ACOXL: variants seen among roughly 807,000 people sequenced by gnomAD.
ACOXL encodes the protein acyl-coenzyme A oxidase-like protein.
ACOXL carries 70 observed loss-of-function variants against 71.9 expected under a neutral mutation model. The observed-to-expected ratio is 0.97, with a 90% confidence interval of 0.80 to 1.19. The LOEUF (loss-of-function observed/expected upper bound fraction) is 1.19, where lower values mean the gene tolerates loss of function less well. Ranked by LOEUF, ACOXL falls within the 50% of genes most tolerant of loss-of-function variation. The probability of loss-of-function intolerance (pLI) is 0.00; values close to 1 mark genes in which losing one functional copy is unlikely to be tolerated. For missense variants in ACOXL, 703 were observed against 736.3 expected (o/e 0.95, Z 0.52); for synonymous variants, 253 against 281.6 (o/e 0.90, Z 1.02).
At chr2:110,826,394 C>T (rs1442362341) in intron 9 of ACOXL, among the ~76,000 whole-genome samples, 1 of 152,166 alleles carries the variant, frequency 6.6e-6, no homozygotes, top group African/African-American at 2.4e-5. Flanking sequence ...GTTCTCTGAA[C>T]CTTTGTCACT....
At chr2:110,947,890 C>T (rs2061167081) in intron 12 of ACOXL, among the ~76,000 whole-genome samples, 1 of 152,254 alleles carries the variant, frequency 6.6e-6, no homozygotes, top group African/African-American at 2.4e-5. Context: ...CTTGTGTTAC[C>T]TGAGCCCGGA....
At chr2:110,969,853 AT>A (rs2062104691) in intron 12 of ACOXL, among the ~76,000 whole-genome samples, 2 of 152,076 alleles carry the variant, frequency 1.3e-5, no homozygotes, top group Admixed American at 1.3e-4. Context: ...ATAGCTTTAC[AT>A]TGATAAATTT....
chr2:111,075,845 A>G (rs1415159708), intron 16 of ACOXL, among the ~76,000 whole-genome samples: 3 of 152,136 alleles, frequency 2.0e-5, no homozygotes, highest in Non-Finnish European at 4.4e-5. Context: ...ATATAGAAGT[A>G]TGAGGTCTAA....
At chr2:110,919,528 C>CAG (rs2059988812) in intron 11 of ACOXL, among the ~76,000 whole-genome samples, 1 of 151,942 alleles carries the variant, frequency 6.6e-6, no homozygotes, top group African/African-American at 2.4e-5. Context: ...GCATATTCTG[C>CAG]AGATGTACCC....
In ACOXL at chr2:111,043,271, C is replaced by T. The variant is rs936374271; in HGVS notation, c.1370-5947C>T. ...CCACCACATCTCAACGTGCAGGAGACTGGCTGCACCATGACTGCTGGTTGC... is the reference window on the plus strand; with the variant it reads ...CCACCACATCTCAACGTGCAGGAGATTGGCTGCACCATGACTGCTGGTTGC... On this transcript the variant is annotated intron_variant, in intron 15 of 17. Transcript: ENST00000439055. Among the ~76,000 whole-genome samples the T allele has an allele frequency of 4.6e-5, 7 of 152,234 alleles. No individual in the cohort carries two copies. The East Asian group carries it at 1.2e-3, about 25-fold the overall frequency.
intron 9 of ACOXL, among the ~76,000 whole-genome samples, chr2:110,825,759 A>G (rs1334941786): frequency 3.3e-5 from 5 of 152,248 alleles, no homozygotes; most frequent in East Asian, 1.9e-4. Context: ...ACCCCATGCA[A>G]TGCTTTGAGG....
In ACOXL at chr2:110,898,959, A is replaced by G. The variant is rs185913902; in HGVS notation, c.789-9830A>G. 3.3e-5 allele frequency among the ~76,000 whole-genome samples: 5 copies of G among 152,344 alleles called. No homozygotes were observed. In the East Asian group the frequency reaches 9.6e-4, roughly 29 times the overall value. On this transcript the variant is annotated intron_variant, in intron 10 of 17. Coordinates refer to ENST00000439055, the MANE Select transcript of ACOXL (RefSeq NM_001142807.4). ...ATATACCGGTGATGAACATAAGGGT[A>G]TCAGAATTAAAAATATAATATAATT... is the stretch of plus-strand genomic sequence containing the variant.
chr2:110,855,267 G>A (rs1158534533), intron 10 of ACOXL, among the ~76,000 whole-genome samples: 2 of 152,218 alleles, frequency 1.3e-5, no homozygotes, highest in Admixed American at 1.3e-4. Flanking sequence ...CAATGCTATA[G>A]ATGACATATT....
intron 13 of ACOXL, among the ~76,000 whole-genome samples, chr2:110,995,294 G>A (rs2063339997): frequency 6.6e-6 from 1 of 151,364 alleles, no homozygotes; most frequent in African/African-American, 2.4e-5. Context: ...GAGGTCAGCA[G>A]TTCAAGACCA....
At chr2:111,088,339 C>T (rs1457427631) in intron 16 of ACOXL, among the ~76,000 whole-genome samples, 5 of 152,210 alleles carry the variant, frequency 3.3e-5, no homozygotes, top group Non-Finnish European at 5.9e-5. Context: ...AGGATACATG[C>T]ATGCCTGTGT....
chr2:110,777,550 G>A (rs1465849071), intron 2 of ACOXL, among the ~76,000 whole-genome samples: 1 of 151,938 alleles, frequency 6.6e-6, no homozygotes, highest in Non-Finnish European at 1.5e-5. Flanking sequence ...ACCCTGCAGA[G>A]TCTTTCTGTT....
chr2:110,745,433 A>G (rs1399160962), intron 1 of ACOXL, among the ~76,000 whole-genome samples: 4 of 152,220 alleles, frequency 2.6e-5, no homozygotes, highest in African/African-American at 9.6e-5. Context: ...GGGGGTCAAC[A>G]ACCAGCATCA....
intron 9 of ACOXL, among the ~76,000 whole-genome samples, chr2:110,817,764 A>G (rs1688082652): frequency 2.0e-5 from 3 of 152,198 alleles, no homozygotes; most frequent in Admixed American, 2.0e-4. Context: ...GTGTTGCAGA[A>G]TCAAGTTTTA....
intron 2 of ACOXL, among the ~76,000 whole-genome samples, chr2:110,779,998 CATT>C (rs896891822): frequency 1.3e-5 from 2 of 152,246 alleles, no homozygotes; most frequent in East Asian, 1.9e-4. Context: ...TAAAAGACAT[CATT>C]AAGAGAATAA....
chr2:110,950,264 A>G (rs1333536825), intron 12 of ACOXL, among the ~76,000 whole-genome samples: 1 of 152,136 alleles, frequency 6.6e-6, no homozygotes, highest in Non-Finnish European at 1.5e-5. Flanking sequence ...TCCGTATGTC[A>G]TCTTTGTGAG....
At chr2:110,781,693 C>T (rs888553994) in intron 2 of ACOXL, among the ~76,000 whole-genome samples, 1 of 151,604 alleles carries the variant, frequency 6.6e-6, no homozygotes, top group Non-Finnish European at 1.5e-5. Flanking sequence ...AAGAAGTGGC[C>T]AGACTTGGGG....
chr2:110,738,656 A>C lies in ACOXL; in HGVS notation c.-23+5882A>C, dbSNP rs149205849. On this transcript the variant is annotated intron_variant, in intron 1 of 17. Coordinates refer to ENST00000439055, the MANE Select transcript of ACOXL (RefSeq NM_001142807.4). Reference sequence around the variant, plus strand: ...TCTTTTTGGCATTGTTGTATTATAGAATTTCATGATGGGGTGGCTTGACAT... The same window carrying C: ...TCTTTTTGGCATTGTTGTATTATAGCATTTCATGATGGGGTGGCTTGACAT... Among the ~76,000 whole-genome samples, 602 of 152,254 alleles carry C rather than the reference A, an allele frequency of 4.0e-3. 9 individuals are homozygous for C. The highest frequency in any genetic ancestry group is 0.014 in the African/African-American group (593 of 41,532).
At chr2:110,957,396 T>A (rs1443923097) in intron 12 of ACOXL, among the ~76,000 whole-genome samples, 1 of 152,212 alleles carries the variant, frequency 6.6e-6, no homozygotes, top group African/African-American at 2.4e-5. Flanking sequence ...AGACATGGTT[T>A]GAGCTAACAC....
chr2:110,848,831 A>G (rs1439336593), intron 10 of ACOXL, among the ~76,000 whole-genome samples: 2 of 152,076 alleles, frequency 1.3e-5, no homozygotes, highest in Admixed American at 1.3e-4. Flanking sequence ...TTTCGCAAAC[A>G]CAGATCTGAC....
Sources: gnomAD v4.1 joint callset for allele counts (sites outside exome capture counted in the v4.1 genomes callset) on GRCh38, gnomAD v4.1.1 for gene constraint, MANE v1.5 for transcripts, NCBI Gene and HGNC (gene_info 2026-07-23, HGNC 2026-07-21) for gene names.